Variants in SLC26A3 observed in about 807,000 individuals in gnomAD.
SLC26A3 encodes the protein chloride anion exchanger.
SLC26A3 carries 64 observed loss-of-function variants against 85.6 expected under a neutral mutation model. The observed-to-expected ratio is 0.75, with a 90% CI of 0.61 to 0.92. The LOEUF (loss-of-function observed/expected upper bound fraction) is 0.92, where lower values mean the gene tolerates loss of function less well. SLC26A3 is among the 40% of genes least tolerant of loss of function. SLC26A3 has a pLI of 0.00. For synonymous variants in SLC26A3, 349 were observed against 336.0 expected (o/e 1.04, Z -0.42); for missense variants, 922 against 927.3 (o/e 0.99, Z 0.07).
In SLC26A3 at chr7:107,783,136, A is replaced by G. The variant is rs1794238160; in HGVS notation, c.1120-43T>C. 2.5e-6 allele frequency: 4 copies of G among 1,610,570 alleles called. No individual in the cohort carries two copies. The African/African-American group carries it at 4.0e-5, about 16-fold the overall frequency. Reference sequence around the variant, plus strand: ...ATGAACCTTTTTCAGAAGTGGCACCATTGATATTATGTGTGCAAAATATTA... The same window carrying G: ...ATGAACCTTTTTCAGAAGTGGCACCGTTGATATTATGTGTGCAAAATATTA... On this transcript the variant is annotated intron_variant, in intron 9 of 20. Transcript: ENST00000340010.
Position 107,798,226 on chromosome 7 carries a change from T to G in SLC26A3, c.-88-3629A>C, listed in dbSNP as rs1012204746. Among the ~76,000 whole-genome samples the G allele has an allele frequency of 4.6e-5, 7 of 152,164 alleles. No individual in the cohort carries two copies. The South Asian group carries it at 1.4e-3, about 32-fold the overall frequency. ...GGTGCTGTGGCTTAGTCATACACGT[T>G]GTTGTTCTCTGCTTTTTTTTTTTCT... On this transcript the variant is annotated intron_variant, in intron 1 of 20. Transcript: ENST00000340010.
chr7:107,797,386 C>T (rs950541230), intron 1 of SLC26A3, among the ~76,000 whole-genome samples: 12 of 151,982 alleles, frequency 7.9e-5, no homozygotes, highest in South Asian at 4.2e-4. Context: ...CTGAGTTACT[C>T]GGGAGGCTGA....
chr7:107,791,900 A>G lies in SLC26A3; in HGVS notation c.312T>C (p.Tyr104=). 1.9e-6 allele frequency: 3 copies of G among 1,613,862 alleles called. No individual in the cohort carries two copies. Among genetic ancestry groups the G allele is most frequent in the Non-Finnish European group, 2.5e-6 (3 of 1,179,750 alleles). ...FALLVDIPPV[Y]GLYASFFPAI... Reference sequence around the variant, plus strand: ...CTGGGAAAAAGGATGCATACAACCCATAGACTGGGGGAATGTCGACCAGCA... The same window carrying G: ...CTGGGAAAAAGGATGCATACAACCCGTAGACTGGGGGAATGTCGACCAGCA... Residue 104 remains tyrosine (Y), a synonymous_variant, in exon 4 of 21, where the codon TAT becomes TAC. Coordinates refer to ENST00000340010, the MANE Select transcript of SLC26A3 (RefSeq NM_000111.3).
intron 1 of SLC26A3, among the ~76,000 whole-genome samples, chr7:107,795,259 C>A (rs1034899858): frequency 1.3e-5 from 2 of 152,152 alleles, no homozygotes; most frequent in African/African-American, 4.8e-5. Flanking sequence ...TAAAGATATT[C>A]AAGTTTCAGG....
chr7:107,792,448 C>G (rs1383556866), intron 3 of SLC26A3, among the ~76,000 whole-genome samples: 2 of 151,804 alleles, frequency 1.3e-5, no homozygotes, highest in Non-Finnish European at 2.9e-5. Flanking sequence ...GATCATTAGG[C>G]ATTAGATTCT....
chr7:107,792,509 T>G (rs535933671), intron 3 of SLC26A3, among the ~76,000 whole-genome samples: 1 of 151,786 alleles, frequency 6.6e-6, no homozygotes, highest in African/African-American at 2.4e-5. Flanking sequence ...CACGATAGGG[T>G]TTGCACTCCT....
At chr7:107,787,023 GC>G in intron 7 of SLC26A3, 114 bp from the exon 8 acceptor site, 1 of 904,350 alleles carries the variant, frequency 1.1e-6, no homozygotes, top group Non-Finnish European at 1.8e-6. Flanking sequence ...AAGAACTCCA[GC>G]CCAGGCTTTG....
intron 3 of SLC26A3, among the ~76,000 whole-genome samples, chr7:107,792,574 G>C (rs1030868763): frequency 2.0e-5 from 3 of 152,126 alleles, no homozygotes; most frequent in Non-Finnish European, 2.9e-5. Flanking sequence ...AGGAGGTAAA[G>C]AGAGCAATAA....
intron 3 of SLC26A3, 55 bp from the exon 4 acceptor site, chr7:107,791,995 T>C: frequency 1.9e-6 from 2 of 1,047,284 alleles, no homozygotes; most frequent in Non-Finnish European, 1.5e-6. Flanking sequence ...ATCAAAGACA[T>C]TCTCATTTGG....
At chr7:107,768,023 G>T in intron 18 of SLC26A3, 115 bp from the exon 19 acceptor site, 1 of 934,398 alleles carries the variant, frequency 1.1e-6, no homozygotes, top group Non-Finnish European at 1.7e-6. Flanking sequence ...TTGACATTTG[G>T]TTAAGTGTGT....
At chr7:107,786,273 C>T (rs765287396) in intron 8 of SLC26A3, among the ~76,000 whole-genome samples, 1 of 152,050 alleles carries the variant, frequency 6.6e-6, no homozygotes, top group Non-Finnish European at 1.5e-5. Flanking sequence ...CTTGATGTTT[C>T]TTTAAGAGGA....
chr7:107,783,302 C>G lies in SLC26A3; in HGVS notation c.1022G>C (p.Gly341Ala). 1 of 1,614,178 alleles carries G rather than the reference C, an allele frequency of 6.2e-7. No individual in the cohort carries two copies. Among genetic ancestry groups the G allele is most frequent in the Middle Eastern group, 1.6e-4 (1 of 6,062 alleles). Reference protein sequence around the residue: ...PDVETFQNTVGDCFGIAMVAF... With the variant: ...PDVETFQNTVADCFGIAMVAF... Reference sequence around the variant, plus strand: ...AACCATTGCGATGCCGAAGCAATCTCCTACGGTGTTTTGGAAAGTCTCCAC... The same window carrying G: ...AACCATTGCGATGCCGAAGCAATCTGCTACGGTGTTTTGGAAAGTCTCCAC... Residue 341 changes from glycine to alanine, a missense_variant, in exon 9 of 21, where the codon GGA becomes GCA. By Grantham distance (60) the Gly-to-Ala change is moderately conservative. Coordinates refer to ENST00000340010, the MANE Select transcript of SLC26A3 (RefSeq NM_000111.3).
At chr7:107,799,205 A>G (rs549594220) in intron 1 of SLC26A3, among the ~76,000 whole-genome samples, 5 of 152,110 alleles carry the variant, frequency 3.3e-5, no homozygotes, top group Non-Finnish European at 7.4e-5. Context: ...TTTTTCATCA[A>G]TTCTATTACT....
intron 8 of SLC26A3, among the ~76,000 whole-genome samples, chr7:107,784,162 T>C (rs1489735110): frequency 6.6e-6 from 1 of 152,246 alleles, no homozygotes; most frequent in Non-Finnish European, 1.5e-5. Flanking sequence ...TGTGAATATC[T>C]ATGGTAATAC....
Position 107,794,545 on chromosome 7 carries a change from C to T in SLC26A3, c.-36G>A, listed in dbSNP as rs945662468. On this transcript the variant is annotated 5_prime_UTR_variant, in exon 2 of 21. Coordinates refer to ENST00000340010, the MANE Select transcript of SLC26A3 (RefSeq NM_000111.3). Reference sequence around the variant, plus strand: ...CTGTTGGCTGTGGCAAGTTGAAGACCTTTGCAACTATGTGGTGAACACTTC... The same window carrying T: ...CTGTTGGCTGTGGCAAGTTGAAGACTTTTGCAACTATGTGGTGAACACTTC... 13 of 1,613,020 alleles carry T rather than the reference C, an allele frequency of 8.1e-6. No homozygotes were observed. Among genetic ancestry groups the T allele is most frequent in the African/African-American group, 1.3e-5 (1 of 74,882 alleles).
In SLC26A3 at chr7:107,778,955, C is replaced by T. The variant is rs140650514; in HGVS notation, c.1408-674G>A. ...ATAGTGAGCTAGGATGGCACCATTG[C>T]ACTCCAGCCTGGGTGACAGAGGGAG... On this transcript the variant is annotated intron_variant, in intron 12 of 20. Transcript: ENST00000340010. Among the ~76,000 whole-genome samples, 109 of 152,210 alleles carry T rather than the reference C, an allele frequency of 7.2e-4. No individual in the cohort carries two copies. The East Asian group carries it at 0.02, about 28-fold the overall frequency.
chr7:107,766,205 T>C (rs896629215), intron 20 of SLC26A3, among the ~76,000 whole-genome samples: 1 of 152,210 alleles, frequency 6.6e-6, no homozygotes, highest in Non-Finnish European at 1.5e-5. Context: ...CAGCTGGTGA[T>C]TTACCTTCCT....
At chr7:107,784,686 C>A (rs1183595386) in intron 8 of SLC26A3, among the ~76,000 whole-genome samples, 2 of 152,344 alleles carry the variant, frequency 1.3e-5, no homozygotes, top group South Asian at 2.1e-4. Flanking sequence ...CCCGCCTCGA[C>A]CTCCCAACGT....
At chr7:107,800,310 TA>T (rs547844007) in intron 1 of SLC26A3, among the ~76,000 whole-genome samples, 36 of 152,266 alleles carry the variant, frequency 2.4e-4, no homozygotes, top group African/African-American at 8.7e-4. Context: ...GCCTGGCCAA[TA>T]TAAAGAAACC....
Sources: gnomAD v4.1 joint callset for allele counts (sites outside exome capture counted in the v4.1 genomes callset) on GRCh38, gnomAD v4.1.1 for gene constraint, MANE v1.5 for transcripts, NCBI Gene and HGNC (gene_info 2026-07-23, HGNC 2026-07-21) for gene names.